Variants in NTRK3 observed in about 807,000 individuals in gnomAD.
NTRK3 encodes the protein NT-3 growth factor receptor.
A neutral mutation model predicts 91.7 loss-of-function variants in NTRK3; 24 were observed. That is an observed-to-expected ratio of 0.26 (90% CI 0.19 to 0.37). The LOEUF (loss-of-function observed/expected upper bound fraction) is 0.37. Among genes scored for constraint, NTRK3 ranks in the 10% least tolerant of loss-of-function variants. The pLI is 1.00. For synonymous variants in NTRK3, 483 were observed against 404.0 expected (o/e 1.20, Z -2.34); for missense variants, 880 against 1,068.9 (o/e 0.82, Z 2.46).
In NTRK3 at chr15:88,016,858, A is replaced by AT. The variant is rs545148856; in HGVS notation, c.1585+15998dup. On this transcript the variant is annotated intron_variant, in intron 14 of 18. Transcript: ENST00000394480. ...TTTACTTCCTCCCTTCTCTGGGGAT[A>AT]TTTTTTTTTCTTTCATAAAGACTGG... Among the ~76,000 whole-genome samples, 169 of 141,064 alleles carry AT rather than the reference A, an allele frequency of 1.2e-3. 3 individuals carry two copies. The East Asian group carries it at 0.029, about 24-fold the overall frequency. 92.5% of individuals were successfully genotyped at this position (141,064 alleles called of 152,430 possible). A position where few individuals can be genotyped will look rare whatever the true frequency, so the allele number is the denominator to read the frequency against.
intron 14 of NTRK3, among the ~76,000 whole-genome samples, chr15:88,016,120 T>A (rs771465249): frequency 1.4e-4 from 22 of 152,152 alleles, no homozygotes; most frequent in Non-Finnish European, 2.8e-4. Flanking sequence ...TGGGGTGGCA[T>A]TAGGGATGAT....
intron 15 of NTRK3, among the ~76,000 whole-genome samples, chr15:87,933,675 T>G (rs1220366404): frequency 1.3e-5 from 2 of 152,250 alleles, no homozygotes; most frequent in Non-Finnish European, 2.9e-5. Flanking sequence ...ATCCTTGTCT[T>G]TTGGAGTCCT....
chr15:88,050,062 AG>A (rs899905275), intron 13 of NTRK3, among the ~76,000 whole-genome samples: 5 of 152,252 alleles, frequency 3.3e-5, no homozygotes, highest in Non-Finnish European at 7.3e-5. Context: ...TTGAAGGCAC[AG>A]GCATTCATTA....
chr15:87,863,341 A>G, exon 19 of NTRK3: 1 of 226,858 alleles, frequency 4.4e-6, no homozygotes, highest in Non-Finnish European at 8.8e-6. Flanking sequence ...GTCAATCAGG[A>G]TAGCGGGCCC....
At chr15:88,202,489 G>C (rs927870565) in intron 3 of NTRK3, among the ~76,000 whole-genome samples, 3 of 152,364 alleles carry the variant, frequency 2.0e-5, no homozygotes, top group Admixed American at 6.5e-5. Context: ...CAGTGTTTCT[G>C]AAAGCTGTCC....
chr15:87,976,797 G>T (rs55653130), intron 14 of NTRK3, among the ~76,000 whole-genome samples: 3,979 of 152,234 alleles, frequency 0.026, 70 homozygotes, highest in South Asian at 0.055. Context: ...TGACCTGTAC[G>T]CCCAAAGCCC....
chr15:87,932,303 T>C lies in NTRK3; in HGVS notation c.1889+709A>G, dbSNP rs916788975. ...ATAGAACTTTCTATTGATGGAAACA[T>C]TTATACTGTGCTTCCCTGTATGGTA... On this transcript the variant is annotated intron_variant, in intron 16 of 18. Coordinates refer to ENST00000394480, the Ensembl canonical transcript of NTRK3. Among the ~76,000 whole-genome samples the C allele has an allele frequency of 2.0e-5, 3 of 152,206 alleles. No individual in the cohort carries two copies. In the East Asian group the frequency reaches 5.8e-4, roughly 29 times the overall value.
intron 11 of NTRK3, 52 bp downstream of exon 11, chr15:88,128,659 C>A (rs376035178): frequency 1.9e-6 from 3 of 1,583,290 alleles, no homozygotes; most frequent in African/African-American, 2.7e-5. Flanking sequence ...TCAATAGTTA[C>A]CGATAGTATC....
chr15:88,256,298 G>A, exon 2 of NTRK3: 2 of 680,288 alleles, frequency 2.9e-6, no homozygotes, highest in Middle Eastern at 3.8e-4. Flanking sequence ...GAAACGCCGA[G>A]CGATCAGATG....
intron 13 of NTRK3, among the ~76,000 whole-genome samples, chr15:88,092,129 C>A (rs2049073411): frequency 6.6e-6 from 1 of 152,202 alleles, no homozygotes; most frequent in Non-Finnish European, 1.5e-5. Context: ...CAGCTTGTTT[C>A]TACTTTGCCT....
At chr15:87,888,360 G>A (rs911842621) in intron 17 of NTRK3, among the ~76,000 whole-genome samples, 2 of 152,096 alleles carry the variant, frequency 1.3e-5, no homozygotes, top group Admixed American at 6.6e-5. Context: ...AGACCAGATG[G>A]GTTCTGAATG....
chr15:88,041,015 G>T (rs1302801265), intron 13 of NTRK3, among the ~76,000 whole-genome samples: 2 of 152,134 alleles, frequency 1.3e-5, no homozygotes, highest in East Asian at 3.9e-4. Flanking sequence ...AAAGTTCTGC[G>T]TCTTCACACC....
In NTRK3 at chr15:88,037,561, CAAAA is replaced by C. The variant is rs1332816235; in HGVS notation, c.1397-4520_1397-4517del. On this transcript the variant is annotated intron_variant, in intron 13 of 18. Coordinates refer to ENST00000394480, the Ensembl canonical transcript of NTRK3. ...CTGGCAACAGAGCAAGACTCCCTCT[CAAAA>C]GAAAGAAAGAAAGAAAGCATTCAAA... 2.1e-3 allele frequency among the ~76,000 whole-genome samples: 321 copies of C among 152,126 alleles called. 1 individual carries two copies. The highest frequency in any genetic ancestry group is 7.5e-3 in the African/African-American group (310 of 41,508).
chr15:88,108,974 C>G (rs1263468969), intron 13 of NTRK3, among the ~76,000 whole-genome samples: 2 of 152,206 alleles, frequency 1.3e-5, no homozygotes, highest in Non-Finnish European at 2.9e-5. Context: ...AAGAATCCCT[C>G]CCTCTCTCTG....
At chr15:87,981,168 A>C (rs1405120677) in intron 14 of NTRK3, 1 of 1,551,524 alleles carries the variant, frequency 6.4e-7, no homozygotes, top group Non-Finnish European at 8.7e-7. Flanking sequence ...TTAAGAACCA[A>C]AATTGGTTAG....
chr15:88,158,940 C>A (rs2044177880), intron 5 of NTRK3, among the ~76,000 whole-genome samples: 1 of 152,158 alleles, frequency 6.6e-6, no homozygotes, highest in Non-Finnish European at 1.5e-5. Flanking sequence ...AAATCAAGAA[C>A]CCCTTGCAGC....
chr15:88,053,270 G>A (rs1170258620), intron 13 of NTRK3, among the ~76,000 whole-genome samples: 1 of 152,182 alleles, frequency 6.6e-6, no homozygotes, highest in East Asian at 1.9e-4. Context: ...GGTCACAAGG[G>A]TTATAGGAGT....
Position 87,937,910 on chromosome 15 carries a change from T to A in NTRK3, c.1716+2713A>T, listed in dbSNP as rs146178976. 6.7e-3 allele frequency among the ~76,000 whole-genome samples: 1,015 copies of A among 151,486 alleles called. 29 individuals are homozygous for A. The highest frequency in any genetic ancestry group is 0.051 in the Admixed American group (777 of 15,210). ...AGACCAGATAAAACCACATGAAGAA[T>A]TCATGAATCAGAAGACCACTGAGGT... On this transcript the variant is annotated intron_variant, in intron 15 of 18. Coordinates refer to ENST00000394480, the Ensembl canonical transcript of NTRK3.
intron 3 of NTRK3, among the ~76,000 whole-genome samples, chr15:88,217,784 A>T (rs1598012382): frequency 1.1e-5 from 1 of 91,842 alleles, no homozygotes; most frequent in African/African-American, 3.5e-5. Context: ...TTTGAGGCGG[A>T]GTCTCACTCT....
Sources: gnomAD v4.1 joint callset for allele counts (sites outside exome capture counted in the v4.1 genomes callset) on GRCh38, gnomAD v4.1.1 for gene constraint, MANE v1.5 for transcripts, NCBI Gene and HGNC (gene_info 2026-07-23, HGNC 2026-07-21) for gene names.